Variants in PLCH1 observed in about 807,000 individuals in gnomAD.
The protein encoded by PLCH1 is 1-phosphatidylinositol 4,5-bisphosphate phosphodiesterase eta-1.
PLCH1 carries 60 observed loss-of-function variants against 126.7 expected under a neutral mutation model. The observed-to-expected ratio is 0.47, with a 90% CI of 0.38 to 0.59. The LOEUF (loss-of-function observed/expected upper bound fraction) is 0.59, where lower values mean the gene tolerates loss of function less well. Among genes scored for constraint, PLCH1 ranks in the 20% least tolerant of loss-of-function variants. PLCH1 has a pLI of 0.00. For synonymous variants in PLCH1, 719 were observed against 734.9 expected, an observed-to-expected ratio of 0.98 and a Z score of 0.35; for missense variants, 1,723 against 2,040.0, an observed-to-expected ratio of 0.84 and a Z score of 2.99.
chr3:155,515,091 C>A (rs555890617), intron 11 of PLCH1, among the ~76,000 whole-genome samples: 69 of 152,342 alleles, frequency 4.5e-4, no homozygotes, highest in African/African-American at 1.6e-3. Flanking sequence ...AGAACTAATT[C>A]TCTGCCAGCT....
At chr3:155,453,114 A>G (rs1433918431) in intron 21 of PLCH1, among the ~76,000 whole-genome samples, 1 of 152,232 alleles carries the variant, frequency 6.6e-6, no homozygotes, top group Non-Finnish European at 1.5e-5. Flanking sequence ...AAGCAGCATT[A>G]CATCAGGTGT....
At chr3:155,543,880 TGAAG>T (rs1192326523) in intron 10 of PLCH1, among the ~76,000 whole-genome samples, 1 of 151,798 alleles carries the variant, frequency 6.6e-6, no homozygotes, top group Non-Finnish European at 1.5e-5. Flanking sequence ...AAAGAGCTCC[TGAAG>T]GAAGCGCTAA....
intron 10 of PLCH1, among the ~76,000 whole-genome samples, chr3:155,531,450 C>T (rs964606067): frequency 1.3e-5 from 2 of 152,154 alleles, no homozygotes; most frequent in Admixed American, 6.5e-5. Flanking sequence ...CATGATGAAA[C>T]CCCATGTCTA....
Position 155,631,747 on chromosome 3 carries a change from T to C in PLCH1, c.80-35369A>G, listed in dbSNP as rs145070658. 2.8e-3 allele frequency among the ~76,000 whole-genome samples: 420 copies of C among 152,316 alleles called. 6 individuals carry two copies. Among genetic ancestry groups the C allele is most frequent in the African/African-American group, 9.7e-3 (404 of 41,564 alleles). ...GCAACAACTAGACCTACATCTTCTT[T>C]AAATCTCAAAGAAACATTTGCTCTG... On this transcript the variant is annotated intron_variant, in intron 2 of 22. Coordinates refer to ENST00000460012, the MANE Select transcript of PLCH1 (RefSeq NM_014996.4).
chr3:155,544,541 T>C (rs941234127), intron 10 of PLCH1, among the ~76,000 whole-genome samples: 6 of 152,188 alleles, frequency 3.9e-5, no homozygotes, highest in Non-Finnish European at 2.9e-5. Flanking sequence ...GCGGACCTAA[T>C]AGACATCTAC....
intron 2 of PLCH1, chr3:155,676,057 C>T (rs1390924631): frequency 2.0e-6 from 3 of 1,518,516 alleles, no homozygotes; most frequent in East Asian, 2.5e-5. Context: ...AATACTATTA[C>T]ACATTATTGG....
chr3:155,504,327 G>T (rs977272863), intron 13 of PLCH1, among the ~76,000 whole-genome samples: 4 of 151,464 alleles, frequency 2.6e-5, no homozygotes. Flanking sequence ...TATATTATTG[G>T]ATATATGTAT....
chr3:155,665,191 C>G (rs1742590009), intron 2 of PLCH1, among the ~76,000 whole-genome samples: 1 of 152,130 alleles, frequency 6.6e-6, no homozygotes, highest in Admixed American at 6.5e-5. Context: ...ACAGAAGCAG[C>G]CTGGGCCGCT....
At chr3:155,542,556 G>C (rs1396208562) in intron 10 of PLCH1, among the ~76,000 whole-genome samples, 1 of 152,218 alleles carries the variant, frequency 6.6e-6, no homozygotes, top group East Asian at 1.9e-4. Context: ...CACGCAGCTG[G>C]AGATCTGAGA....
intron 1 of PLCH1, among the ~76,000 whole-genome samples, chr3:155,726,863 T>A (rs1463377104): frequency 6.7e-6 from 1 of 148,444 alleles, no homozygotes; most frequent in Non-Finnish European, 1.5e-5. Flanking sequence ...ACCCGGCTAA[T>A]TTTTTTTCTT....
At chr3:155,544,503 C>A (rs2108413742) in intron 10 of PLCH1, among the ~76,000 whole-genome samples, 1 of 152,230 alleles carries the variant, frequency 6.6e-6, no homozygotes, top group Non-Finnish European at 1.5e-5. Flanking sequence ...ACAAGGATAT[C>A]CAGGAATTGA....
intron 10 of PLCH1, among the ~76,000 whole-genome samples, chr3:155,525,976 G>A (rs1453504343): frequency 1.3e-5 from 2 of 152,142 alleles, no homozygotes; most frequent in Admixed American, 6.5e-5. Context: ...AAAAAGGACA[G>A]CAGGGGGTAA....
chr3:155,721,976 G>A (rs970741973), intron 1 of PLCH1, among the ~76,000 whole-genome samples: 3 of 152,060 alleles, frequency 2.0e-5, no homozygotes, highest in African/African-American at 7.2e-5. Flanking sequence ...GAACCTGGGA[G>A]ATGGAGGTTG....
Position 155,644,061 on chromosome 3 carries a change from A to C in PLCH1, c.80-47683T>G, listed in dbSNP as rs538838042. Among the ~76,000 whole-genome samples, 966 of 152,302 alleles carry C rather than the reference A, an allele frequency of 6.3e-3. 12 individuals are homozygous for C. The highest frequency in any genetic ancestry group is 0.022 in the African/African-American group (905 of 41,560). The stretch of plus-strand genomic sequence containing the variant: ...GTGGCTGGATCACACACTGGAAAAA[A>C]CAGTCACTGGAATGAAGAGAGCCAA... On this transcript the variant is annotated intron_variant, in intron 2 of 22. Coordinates refer to ENST00000460012, the MANE Select transcript of PLCH1 (RefSeq NM_014996.4).
chr3:155,703,497 T>C (rs982658640), intron 2 of PLCH1, among the ~76,000 whole-genome samples: 3 of 152,210 alleles, frequency 2.0e-5, no homozygotes, highest in Non-Finnish European at 4.4e-5. Context: ...AACAAACAGA[T>C]ACCAGCAGGG....
At chr3:155,564,040 T>C (rs548262716) in intron 8 of PLCH1, among the ~76,000 whole-genome samples, 1 of 152,256 alleles carries the variant, frequency 6.6e-6, no homozygotes, top group African/African-American at 2.4e-5. Flanking sequence ...TTTGAACTCC[T>C]GGTCCCAAGC....
chr3:155,471,390 A>G (rs1326871672), intron 21 of PLCH1, among the ~76,000 whole-genome samples: 1 of 151,786 alleles, frequency 6.6e-6, no homozygotes, highest in Non-Finnish European at 1.5e-5. Context: ...TCCTAAATAT[A>G]TATGCGCCCA....
At chr3:155,467,707 C>T (rs80122489) in intron 21 of PLCH1, among the ~76,000 whole-genome samples, 7,650 of 152,114 alleles carry the variant, frequency 0.05, 332 homozygotes, top group African/African-American at 0.12. Flanking sequence ...ATTTAAAGTG[C>T]TAAAGGAAAA....
intron 2 of PLCH1, among the ~76,000 whole-genome samples, chr3:155,632,229 A>G (rs1738137395): frequency 6.6e-6 from 1 of 152,180 alleles, no homozygotes; most frequent in Non-Finnish European, 1.5e-5. Flanking sequence ...CTACAAGTGG[A>G]AACTCCATAG....
Sources: allele counts gnomAD v4.1 joint callset (sites outside exome capture counted in the v4.1 genomes callset), GRCh38; gene constraint gnomAD v4.1.1; transcripts MANE v1.5; gene names NCBI Gene and HGNC (gene_info 2026-07-23, HGNC 2026-07-21).